MAD1L1: variants seen among roughly 807,000 people sequenced by gnomAD.
The protein encoded by MAD1L1 is mitotic arrest deficient 1 like 1.
MAD1L1 carries 95 observed loss-of-function variants against 96.9 expected under a neutral mutation model. That is an observed-to-expected ratio of 0.98 (90% CI 0.83 to 1.16). MAD1L1 has a LOEUF of 1.16. Ranked by LOEUF, MAD1L1 falls within the 50% of genes most tolerant of loss-of-function variation. The pLI is 0.00. For missense variants in MAD1L1, 1,007 were observed against 954.4 expected (o/e 1.06, Z -0.73); for synonymous variants, 473 against 396.6 (o/e 1.19, Z -2.29).
At chr7:2,181,770 C>A (rs995383520) in intron 10 of MAD1L1, among the ~76,000 whole-genome samples, 2 of 152,068 alleles carry the variant, frequency 1.3e-5, no homozygotes, top group Admixed American at 6.6e-5. Flanking sequence ...ACGGAACCAG[C>A]CTAAATGCCC....
At chr7:2,128,579 G>A (rs1468584874) in intron 11 of MAD1L1, among the ~76,000 whole-genome samples, 1 of 152,250 alleles carries the variant, frequency 6.6e-6, no homozygotes, top group African/African-American at 2.4e-5. Flanking sequence ...AAAGGGCACA[G>A]GCACGCCACC....
intron 12 of MAD1L1, among the ~76,000 whole-genome samples, chr7:2,059,571 CA>C (rs1562647141): frequency 1.1e-5 from 1 of 92,290 alleles, no homozygotes; most frequent in Non-Finnish European, 2.2e-5. Context: ...GAAGCATGGC[CA>C]GGGGAGGGGA....
At chr7:2,163,413 G>A (rs11972382) in intron 10 of MAD1L1, among the ~76,000 whole-genome samples, 1,849 of 152,164 alleles carry the variant, frequency 0.012, 41 homozygotes, top group African/African-American at 0.042. Context: ...TCACTCTGTC[G>A]CCCAGGCTGG....
intron 11 of MAD1L1, among the ~76,000 whole-genome samples, chr7:2,079,049 G>A (rs574876258): frequency 2.1e-4 from 32 of 152,306 alleles, no homozygotes; most frequent in African/African-American, 6.3e-4. Context: ...GGGCTTGGCC[G>A]AGCCAGCGGT....
chr7:1,827,373 C>CCGAG (rs747628884), intron 18 of MAD1L1, among the ~76,000 whole-genome samples: 14 of 152,184 alleles, frequency 9.2e-5, no homozygotes, highest in Non-Finnish European at 8.8e-5. Flanking sequence ...GCAGCACAGC[C>CCGAG]CTCGCCCAGT....
chr7:1,890,107 G>T (rs1371384251), intron 18 of MAD1L1, among the ~76,000 whole-genome samples: 1 of 152,268 alleles, frequency 6.6e-6, no homozygotes, highest in African/African-American at 2.4e-5. Flanking sequence ...ATCCGTGGGA[G>T]GGTCTCACTC....
At chr7:1,990,704 G>A (rs556928539) in intron 14 of MAD1L1, among the ~76,000 whole-genome samples, 16 of 152,228 alleles carry the variant, frequency 1.1e-4, no homozygotes, top group African/African-American at 3.4e-4. Flanking sequence ...GCCCAGGGCC[G>A]CCACTGCTGG....
chr7:1,955,794 C>G (rs987460525), intron 16 of MAD1L1, among the ~76,000 whole-genome samples: 2 of 152,156 alleles, frequency 1.3e-5, no homozygotes, highest in African/African-American at 2.4e-5. Flanking sequence ...TAGGGTTGTC[C>G]TGTTGCATTT....
chr7:2,165,609 T>C (rs1294855603), intron 10 of MAD1L1, among the ~76,000 whole-genome samples: 1 of 138,748 alleles, frequency 7.2e-6, no homozygotes, highest in Non-Finnish European at 1.5e-5. Flanking sequence ...GAGGGGACTC[T>C]GCGCCGTGTT....
intron 15 of MAD1L1, among the ~76,000 whole-genome samples, chr7:1,971,770 A>C (rs1264099460): frequency 6.6e-6 from 1 of 152,014 alleles, no homozygotes; most frequent in Non-Finnish European, 1.5e-5. Flanking sequence ...GTGGCAAACG[A>C]CCCCAGAAAA....
chr7:2,140,089 G>C (rs781490536), intron 11 of MAD1L1, among the ~76,000 whole-genome samples: 15 of 151,822 alleles, frequency 9.9e-5, no homozygotes, highest in Non-Finnish European at 1.9e-4. Context: ...TGCAGGACGT[G>C]CATCCTTCTG....
chr7:2,024,445 T>G (rs1167828416), intron 12 of MAD1L1, among the ~76,000 whole-genome samples: 1 of 152,178 alleles, frequency 6.6e-6, no homozygotes, highest in Non-Finnish European at 1.5e-5. Flanking sequence ...GCTTGAGCAT[T>G]CCATTACTGC....
At chr7:1,997,017 C>T (rs991837104) in intron 14 of MAD1L1, among the ~76,000 whole-genome samples, 6 of 152,236 alleles carry the variant, frequency 3.9e-5, no homozygotes, top group Admixed American at 6.5e-5. Context: ...TAGGGGGGTT[C>T]GCTAATGATA....
At chr7:2,165,718 T>C (rs1790395912) in intron 10 of MAD1L1, among the ~76,000 whole-genome samples, 1 of 137,832 alleles carries the variant, frequency 7.3e-6, no homozygotes, top group Admixed American at 7.3e-5. Context: ...CTTTGCTAGG[T>C]GGCAGACTCC....
intron 18 of MAD1L1, among the ~76,000 whole-genome samples, chr7:1,864,718 G>A (rs1430326524): frequency 6.6e-6 from 1 of 152,176 alleles, no homozygotes; most frequent in African/African-American, 2.4e-5. Flanking sequence ...GGCCGTGAGG[G>A]TGGGCCCTCG....
At chr7:1,889,348 G>A (rs536646091) in intron 18 of MAD1L1, among the ~76,000 whole-genome samples, 5 of 152,366 alleles carry the variant, frequency 3.3e-5, no homozygotes, top group East Asian at 1.9e-4. Context: ...GGGGGATGGC[G>A]TGGCTGGTGT....
chr7:2,184,518 A>C (rs1012199882), intron 10 of MAD1L1, among the ~76,000 whole-genome samples: 10 of 152,208 alleles, frequency 6.6e-5, no homozygotes, highest in Non-Finnish European at 1.5e-4. Context: ...GAAGTTATAC[A>C]CGTACTCATT....
intron 11 of MAD1L1, among the ~76,000 whole-genome samples, chr7:2,085,351 C>T (rs1173077726): frequency 6.6e-6 from 1 of 152,220 alleles, no homozygotes; most frequent in African/African-American, 2.4e-5. Flanking sequence ...TGTGGTCTGT[C>T]TCCCCGCCGC....
chr7:1,842,591 C>A (rs12540579), intron 18 of MAD1L1, among the ~76,000 whole-genome samples: 52,374 of 152,266 alleles, frequency 0.34, 9,208 homozygotes, highest in Admixed American at 0.44. Context: ...GCCACCTGAG[C>A]CCCGGCGAGG....
Sources: gnomAD v4.1 joint callset for allele counts (sites outside exome capture counted in the v4.1 genomes callset) on GRCh38, gnomAD v4.1.1 for gene constraint, MANE v1.5 for transcripts, NCBI Gene and HGNC (gene_info 2026-07-23, HGNC 2026-07-21) for gene names.